The following ALDH5A1 variants were observed in gnomAD, a reference collection of about 807,000 sequenced individuals.
ALDH5A1 encodes the protein aldehyde dehydrogenase 5 family member A1.
ALDH5A1 carries 33 observed loss-of-function variants against 54.7 expected under a neutral mutation model. That is an observed-to-expected ratio of 0.60 (90% CI 0.46 to 0.81). The LOEUF is 0.81. ALDH5A1 is among the 30% of genes least tolerant of loss of function. ALDH5A1 has a pLI of 0.00. For missense variants in ALDH5A1, 657 were observed against 711.0 expected, an observed-to-expected ratio of 0.92 and a Z score of 0.86; for synonymous variants, 294 against 292.7, an observed-to-expected ratio of 1.00 and a Z score of -0.05.
rs763860786 is a variant in ALDH5A1, at chr6:24,522,834, C to T, written c.1082C>T (p.Ala361Val). Residue 361 changes from alanine (A) to valine (V), a missense_variant, in exon 7 of 10, where the codon GCC becomes GTC. By Grantham distance (64) the Ala-to-Val change is moderately conservative (BLOSUM62 0). Coordinates refer to ENST00000357578, the MANE Select transcript of ALDH5A1 (RefSeq NM_001080.3). The stretch of plus-strand genomic sequence containing the variant: ...CATGATGCCTTTGTAAAAGCATTCG[C>T]CGAGGCCATGAAGAAGAACCTGCGC... The part of the protein sequence containing the change: ...GIHDAFVKAF[A>V]EAMKKNLRVG... The T allele has an allele frequency of 2.2e-5, 36 of 1,613,920 alleles. No homozygotes were observed. Among genetic ancestry groups the T allele is most frequent in the Non-Finnish European group, 3.1e-5 (36 of 1,180,008 alleles).
At position 24,535,332 on chromosome 6, in the gene ALDH5A1, C is replaced by G. The variant is rs1329614324; in HGVS notation, c.*1620C>G. ...GGCCTGGAGTGTACTAGCCACATTC[C>G]CAAGGTCCCAAGGAGAAGGAAGAGC... On this transcript the variant is annotated 3_prime_UTR_variant, in exon 10 of 10. Coordinates refer to ENST00000357578, the MANE Select transcript of ALDH5A1 (RefSeq NM_001080.3). The G allele has an allele frequency of 1.3e-5, 2 of 152,194 alleles. No individual in the cohort carries two copies. Among genetic ancestry groups the G allele is most frequent in the Non-Finnish European group, 2.9e-5 (2 of 68,050 alleles). 9.4% of individuals were successfully genotyped at this position (152,194 alleles called of 1,614,324 possible). A position where few individuals can be genotyped will look rare whatever the true frequency, so the allele number is the denominator to read the frequency against.
rs571602201 is a variant in ALDH5A1, at chr6:24,522,832, C to T, written c.1080C>T (p.Phe360=). ...TCCATGATGCCTTTGTAAAAGCATTCGCCGAGGCCATGAAGAAGAACCTGC... is the reference window on the plus strand; with the variant it reads ...TCCATGATGCCTTTGTAAAAGCATTTGCCGAGGCCATGAAGAAGAACCTGC... ...RGIHDAFVKA[F]AEAMKKNLRV... The change falls in exon 7 of 10, where the codon TTC becomes TTT. Residue 360 remains phenylalanine (F), a synonymous_variant. Transcript: ENST00000357578. 3.8e-5 allele frequency: 62 copies of T among 1,614,014 alleles called. No individual in the cohort carries two copies. Among genetic ancestry groups the T allele is most frequent in the African/African-American group, 3.6e-4 (27 of 74,996 alleles).
intron 8 of ALDH5A1, chr6:24,531,874 G>T (rs1346931255): frequency 3.6e-6 from 2 of 548,744 alleles, no homozygotes; most frequent in Non-Finnish European, 6.5e-6. Flanking sequence ...TTCCCTACAT[G>T]TTGGTCTGCT....
At chr6:24,532,492 A>G (rs1759956594) in intron 9 of ALDH5A1, among the ~76,000 whole-genome samples, 1 of 152,150 alleles carries the variant, frequency 6.6e-6, no homozygotes, top group Non-Finnish European at 1.5e-5. Flanking sequence ...AATCCCCAGA[A>G]ATTCCAAATG....
At chr6:24,520,647 T>C (rs1444517048) in intron 6 of ALDH5A1, 103 bp downstream of exon 6, 28 of 1,467,212 alleles carry the variant, frequency 1.9e-5, no homozygotes, top group South Asian at 6.0e-5. Context: ...TGTGTGTGTG[T>C]GCGTGTGTGT....
intron 7 of ALDH5A1, 93 bp from the exon 8 acceptor site, chr6:24,527,896 TGAAAAAGA>T: frequency 7.1e-7 from 1 of 1,405,112 alleles, no homozygotes; most frequent in Admixed American, 1.8e-5. Context: ...CTACTTTTTT[TGAAAAAGA>T]AAAAAAAATG....
At chr6:24,507,797 T>G (rs2127383789) in intron 4 of ALDH5A1, among the ~76,000 whole-genome samples, 1 of 152,352 alleles carries the variant, frequency 6.6e-6, no homozygotes, top group African/African-American at 2.4e-5. Flanking sequence ...TAATTTTTAT[T>G]TCCATAGGTT....
rs1311347468 is a variant in ALDH5A1, at chr6:24,527,053, A to G, written c.1174-944A>G. ...ATATCAGAGCATAGAAGATCCTAGG[A>G]GATTTCAGAGAGGAAAAAGCTATCA... is the stretch of plus-strand genomic sequence containing the variant. On this transcript the variant is annotated intron_variant, in intron 7 of 9. Transcript: ENST00000357578. Among the ~76,000 whole-genome samples, 5 of 147,072 alleles carry G rather than the reference A, an allele frequency of 3.4e-5. No individual in the cohort carries two copies. In the East Asian group the frequency reaches 9.9e-4, roughly 29 times the overall value.
At chr6:24,507,077 T>C (rs1759372930) in intron 4 of ALDH5A1, among the ~76,000 whole-genome samples, 1 of 152,340 alleles carries the variant, frequency 6.6e-6, no homozygotes, top group East Asian at 1.9e-4. Flanking sequence ...TTGCCAAAAC[T>C]ACAACCATTA....
chr6:24,504,710 C>A (rs566795149), intron 3 of ALDH5A1, among the ~76,000 whole-genome samples, 159 bp from the exon 4 acceptor site: 3 of 152,184 alleles, frequency 2.0e-5, no homozygotes, highest in Admixed American at 2.0e-4. Context: ...CTCAAGTTGG[C>A]GGGGGGGTCA....
intron 4 of ALDH5A1, 116 bp from the exon 5 acceptor site, chr6:24,515,051 T>C: frequency 8.9e-7 from 1 of 1,120,700 alleles, no homozygotes; most frequent in Non-Finnish European, 1.3e-6. Flanking sequence ...AGTGTCAGCT[T>C]AATTTTTCTT....
At chr6:24,533,453 G>A in intron 9 of ALDH5A1, 54 bp from the exon 10 acceptor site, 1 of 1,581,354 alleles carries the variant, frequency 6.3e-7, no homozygotes, top group African/African-American at 1.3e-5. Context: ...CTTTAGGCAT[G>A]ATGTCTTTAA....
chr6:24,521,857 ATTTTTTTTT>A (rs71542679), intron 6 of ALDH5A1, among the ~76,000 whole-genome samples: 1,128 of 98,244 alleles, frequency 0.011, 35 homozygotes, highest in South Asian at 0.1. Context: ...TGTCTCTACA[ATTTTTTTTT>A]TTTTTTTTTT....
At chr6:24,512,785 G>A (rs1043822274) in intron 4 of ALDH5A1, among the ~76,000 whole-genome samples, 5 of 152,178 alleles carry the variant, frequency 3.3e-5, no homozygotes, top group Non-Finnish European at 5.9e-5. Flanking sequence ...CGCCTCCCTG[G>A]TTCAAGCGAT....
chr6:24,512,839 A>AC (rs1279958303), intron 4 of ALDH5A1, among the ~76,000 whole-genome samples: 1 of 152,024 alleles, frequency 6.6e-6, no homozygotes, highest in Admixed American at 6.6e-5. Context: ...GCAGGCACAC[A>AC]CCATCATGCC....
chr6:24,503,525 C>A, intron 3 of ALDH5A1, 92 bp downstream of exon 3: 1 of 1,458,220 alleles, frequency 6.9e-7, no homozygotes, highest in Non-Finnish European at 9.4e-7. Flanking sequence ...GTGTGCTCAT[C>A]CTGTTAGTTT....
chr6:24,507,788 A>C lies in ALDH5A1; in HGVS notation c.726+2803A>C, dbSNP rs917484804. On this transcript the variant is annotated intron_variant, in intron 4 of 9. Coordinates refer to ENST00000357578, the MANE Select transcript of ALDH5A1 (RefSeq NM_001080.3). Reference sequence around the variant, plus strand: ...ATGTCTGATTTTATTTTTATTTTTTAATTTTTATTTCCATAGGTTATTGGG... The same window carrying C: ...ATGTCTGATTTTATTTTTATTTTTTCATTTTTATTTCCATAGGTTATTGGG... 1.4e-4 allele frequency among the ~76,000 whole-genome samples: 21 copies of C among 151,616 alleles called. 1 individual carries two copies. The highest frequency in any genetic ancestry group is 8.5e-4 in the Admixed American group (13 of 15,240).
intron 6 of ALDH5A1, 152 bp downstream of exon 6, chr6:24,520,696 C>T: frequency 1.7e-6 from 2 of 1,199,708 alleles, no homozygotes; most frequent in Non-Finnish European, 2.4e-6. Context: ...GCCTTATATC[C>T]CATAAGGAAA....
rs1179569185 is a variant in ALDH5A1, at chr6:24,522,850, G to C, written c.1098G>C (p.Lys366Asn). The part of the protein sequence containing the change: ...FVKAFAEAMK[K>N]NLRVGNGFEE... ...AAGCATTCGCCGAGGCCATGAAGAA[G>C]AACCTGCGCGTAGGTAATGGATTTG... The change falls in exon 7 of 10, where the codon AAG (lysine) becomes AAC (asparagine). Residue 366 changes from lysine to asparagine, a missense_variant. By Grantham distance (94) the Lys-to-Asn change is moderately conservative. Coordinates refer to ENST00000357578, the MANE Select transcript of ALDH5A1 (RefSeq NM_001080.3). 1 of 1,614,166 alleles carries C rather than the reference G, an allele frequency of 6.2e-7. No homozygotes were observed. The highest frequency in any genetic ancestry group is 8.5e-7 in the Non-Finnish European group (1 of 1,180,026).
Sources: allele counts gnomAD v4.1 joint callset (sites outside exome capture counted in the v4.1 genomes callset), GRCh38; gene constraint gnomAD v4.1.1; transcripts MANE v1.5; gene names NCBI Gene and HGNC (gene_info 2026-07-23, HGNC 2026-07-21).